Variants in UGT1A10 observed in about 807,000 individuals in gnomAD.
The protein encoded by UGT1A10 is UDP-glucuronosyltransferase 1A10.
In UGT1A10, 49 loss-of-function variants were observed where a neutral mutation model predicts 45.8. The observed-to-expected ratio is 1.07, with a 90% confidence interval of 0.85 to 1.36. The LOEUF is 1.36. UGT1A10 is among the 40% of genes most tolerant of loss of function. The pLI, the probability that UGT1A10 is intolerant of heterozygous loss-of-function variation, is 0.00. For missense variants in UGT1A10, 745 were observed against 668.6 expected (o/e 1.11, Z -1.26); for synonymous variants, 284 against 249.7 (o/e 1.14, Z -1.29).
chr2:233,718,911 G>C, intron 1 of UGT1A10: 2 of 1,614,072 alleles, frequency 1.2e-6, no homozygotes, highest in Non-Finnish European at 1.7e-6. Flanking sequence ...GAGTGGAAAG[G>C]TGTTGGTGGT....
At position 233,641,371 on chromosome 2, in the gene UGT1A10, C is replaced by T. The variant is rs10193089; in HGVS notation, c.855+3994C>T. Among the ~76,000 whole-genome samples, 313 of 152,270 alleles carry T rather than the reference C, an allele frequency of 2.1e-3. 2 individuals carry two copies. Among genetic ancestry groups the T allele is most frequent in the African/African-American group, 7.2e-3 (298 of 41,574 alleles). On this transcript the variant is annotated intron_variant, in intron 1 of 4. Transcript: ENST00000344644. ...AACACTATTTGCATAAACAAACACA[C>T]AGCAAGAAGAAAACTAATAGAAACT...
intron 1 of UGT1A10, among the ~76,000 whole-genome samples, chr2:233,723,239 T>G (rs1575545383): frequency 9.2e-6 from 1 of 108,658 alleles, no homozygotes; most frequent in African/African-American, 4.5e-5. Context: ...TGAGTTGGAG[T>G]CCTGCTGTCA....
At chr2:233,713,495 T>C (rs1332210670) in intron 1 of UGT1A10, 2 of 1,614,050 alleles carry the variant, frequency 1.2e-6, no homozygotes, top group African/African-American at 1.3e-5. Context: ...TGTCGATTCC[T>C]GCTGTGTTTT....
chr2:233,657,628 CACTTG>C (rs772395180), intron 1 of UGT1A10, among the ~76,000 whole-genome samples: 2 of 152,222 alleles, frequency 1.3e-5, no homozygotes, highest in African/African-American at 4.8e-5. Context: ...TAAATTTCAA[CACTTG>C]ACTTGAGGGA....
chr2:233,661,707 T>G (rs1253941218), intron 1 of UGT1A10, among the ~76,000 whole-genome samples: 1 of 134,498 alleles, frequency 7.4e-6, no homozygotes, highest in African/African-American at 2.9e-5. Context: ...TTATCTGGAT[T>G]CTTTTTTTTT....
chr2:233,637,528 CATCAATT>C (rs1186888410), intron 1 of UGT1A10, 151 bp downstream of exon 1: 4 of 1,385,170 alleles, frequency 2.9e-6, no homozygotes, highest in Non-Finnish European at 3.8e-6. Context: ...TTCATGTACT[CATCAATT>C]ATCAAATTTT....
chr2:233,741,884 A>C (rs1310090539), intron 1 of UGT1A10: 1 of 151,868 alleles, frequency 6.6e-6, no homozygotes, highest in South Asian at 2.1e-4. Flanking sequence ...AGGTGACCCT[A>C]GAAGAAGGGA....
At chr2:233,638,338 G>T (rs1168503103) in intron 1 of UGT1A10, among the ~76,000 whole-genome samples, 3 of 151,980 alleles carry the variant, frequency 2.0e-5, no homozygotes, top group Non-Finnish European at 2.9e-5. Context: ...CTGATTACTG[G>T]TAATTAAAAT....
chr2:233,647,840 G>T, intron 1 of UGT1A10: 1 of 1,132,282 alleles, frequency 8.8e-7, no homozygotes, highest in Non-Finnish European at 1.2e-6. Flanking sequence ...TAGCTTTGGT[G>T]TCATTGGTTT....
intron 1 of UGT1A10, among the ~76,000 whole-genome samples, chr2:233,727,386 G>A (rs1285965204): frequency 1.3e-5 from 2 of 152,076 alleles, no homozygotes; most frequent in Non-Finnish European, 2.9e-5. Context: ...GAGTACCACC[G>A]TCTTCCAAGA....
chr2:233,687,664 A>G (rs1394370925), intron 1 of UGT1A10, among the ~76,000 whole-genome samples: 2 of 151,670 alleles, frequency 1.3e-5, no homozygotes, highest in Non-Finnish European at 2.9e-5. Flanking sequence ...GCACTTTAGG[A>G]GGCCAAGGCA....
At chr2:233,671,993 G>A in intron 1 of UGT1A10, 2 of 1,614,124 alleles carry the variant, frequency 1.2e-6, no homozygotes, top group Non-Finnish European at 1.7e-6. Context: ...CTGCTGACCT[G>A]TGGCTTTGCC....
rs186890365 is a variant in UGT1A10, at chr2:233,713,915, T to C, written c.856-53119T>C. ...TCCAGGCAAAACACTTTTTAAAAAA[T>C]GTATTTACTTACAAGTGCTTCCATA... On this transcript the variant is annotated intron_variant, in intron 1 of 4. Coordinates refer to ENST00000344644, the MANE Select transcript of UGT1A10 (RefSeq NM_019075.4). The C allele has an allele frequency of 2.9e-3, 4,603 of 1,612,454 alleles. 7 individuals are homozygous for C. Among genetic ancestry groups the C allele is most frequent in the Non-Finnish European group, 3.4e-3 (3,989 of 1,179,862 alleles).
intron 1 of UGT1A10, among the ~76,000 whole-genome samples, chr2:233,720,871 ATTTTTT>A (rs60621337): frequency 7.5e-6 from 1 of 132,772 alleles, no homozygotes; most frequent in African/African-American, 2.9e-5. Flanking sequence ...GCTCCTGGCA[ATTTTTT>A]TTTTTTTTTT....
intron 1 of UGT1A10, chr2:233,648,274 G>A (rs1287065587): frequency 4.9e-6 from 3 of 611,828 alleles, no homozygotes; most frequent in East Asian, 3.4e-5. Flanking sequence ...GGTGTTTCTG[G>A]ATCCTTTAGA....
At position 233,768,097 on chromosome 2, in the gene UGT1A10, T is replaced by C. The variant is rs1699562988; in HGVS notation, c.1076-123T>C. On this transcript the variant is annotated intron_variant, in intron 3 of 4. Transcript: ENST00000344644. ...GGGTATCTCAACCCACATTTTCTTC[T>C]GCAAATTTCTGCAAGGGCATGTGAG... The C allele has an allele frequency of 4.4e-6, 7 of 1,590,772 alleles. No homozygotes were observed. The Admixed American group carries it at 1.2e-4, about 28-fold the overall frequency.
chr2:233,761,456 C>A (rs938437013), intron 1 of UGT1A10, among the ~76,000 whole-genome samples: 1 of 152,214 alleles, frequency 6.6e-6, no homozygotes, highest in African/African-American at 2.4e-5. Context: ...GGGTTTGGGG[C>A]ACCCTGCAGA....
In UGT1A10 at chr2:233,739,470, C is replaced by T. The variant is rs188701117; in HGVS notation, c.856-27564C>T. On this transcript the variant is annotated intron_variant, in intron 1 of 4. Transcript: ENST00000344644. ...CCACAGGGTTGGAGCTGCCTGAGAC[C>T]GTGGGAGCCCATTTCTGGCATCACC... 1.6e-3 allele frequency among the ~76,000 whole-genome samples: 240 copies of T among 152,268 alleles called. 1 individual carries two copies. The highest frequency in any genetic ancestry group is 4.9e-3 in the African/African-American group (205 of 41,548).
intron 1 of UGT1A10, among the ~76,000 whole-genome samples, chr2:233,661,636 TTTC>T (rs759210192): frequency 1.4e-3 from 120 of 83,360 alleles, no homozygotes; most frequent in South Asian, 0.011. Context: ...TCTTTCTTTC[TTTC>T]TTTCTTTCTT....
Sources: gnomAD v4.1 joint callset for allele counts (sites outside exome capture counted in the v4.1 genomes callset) on GRCh38, gnomAD v4.1.1 for gene constraint, MANE v1.5 for transcripts, NCBI Gene and HGNC (gene_info 2026-07-23, HGNC 2026-07-21) for gene names.